PSD3: variants seen among roughly 807,000 people sequenced by gnomAD.
PSD3 encodes PH and SEC7 domain-containing protein 3.
In PSD3, 49 loss-of-function variants were observed where a neutral mutation model predicts 105.5. The observed-to-expected ratio is 0.46, with a 90% confidence interval of 0.37 to 0.59. PSD3 has a LOEUF of 0.59. Among genes scored for constraint, PSD3 ranks in the 20% least tolerant of loss-of-function variants. PSD3 has a pLI of 0.00. For synonymous variants in PSD3, 557 were observed against 457.8 expected, an observed-to-expected ratio of 1.22 and a Z score of -2.77; for missense variants, 1,561 against 1,263.8, an observed-to-expected ratio of 1.24 and a Z score of -3.57.
chr8:18,710,520 A>T (rs985870580), intron 9 of PSD3, among the ~76,000 whole-genome samples: 1 of 152,160 alleles, frequency 6.6e-6, no homozygotes, highest in Non-Finnish European at 1.5e-5. Flanking sequence ...CCATGAGAAG[A>T]ACAACTCTAA....
chr8:18,612,987 A>G (rs1270691484), intron 11 of PSD3, among the ~76,000 whole-genome samples: 1 of 149,584 alleles, frequency 6.7e-6, no homozygotes, highest in Non-Finnish European at 1.5e-5. Flanking sequence ...GGAAGAATTT[A>G]CATGGCTTGG....
chr8:18,817,560 A>G (rs1168763575), intron 4 of PSD3, among the ~76,000 whole-genome samples: 1 of 152,258 alleles, frequency 6.6e-6, no homozygotes, highest in Non-Finnish European at 1.5e-5. Flanking sequence ...AATTGCAAGA[A>G]GCTTAAAGGA....
chr8:19,077,083 T>C (rs534854976), intron 1 of PSD3, among the ~76,000 whole-genome samples: 24 of 152,348 alleles, frequency 1.6e-4, no homozygotes, highest in Admixed American at 6.5e-4. Context: ...AAATGCTTTA[T>C]GGGGAAGATT....
chr8:18,591,699 G>GC (rs1803621716), intron 12 of PSD3, among the ~76,000 whole-genome samples: 2 of 152,130 alleles, frequency 1.3e-5, no homozygotes, highest in Non-Finnish European at 2.9e-5. Context: ...AGCAGAGTAT[G>GC]CATCCAGCAT....
intron 1 of PSD3, among the ~76,000 whole-genome samples, chr8:19,062,980 G>T (rs1177577645): frequency 6.6e-6 from 1 of 152,176 alleles, no homozygotes; most frequent in African/African-American, 2.4e-5. Flanking sequence ...ATAGGTATTT[G>T]TTAATTAAAA....
intron 9 of PSD3, among the ~76,000 whole-genome samples, chr8:18,701,984 C>T (rs1801610040): frequency 6.6e-6 from 1 of 152,078 alleles, no homozygotes; most frequent in African/African-American, 2.4e-5. Flanking sequence ...CATGAAAGAG[C>T]TGAAAACAAA....
chr8:18,594,494 C>G (rs1408848429), intron 12 of PSD3, among the ~76,000 whole-genome samples: 2 of 136,756 alleles, frequency 1.5e-5, no homozygotes, highest in African/African-American at 5.6e-5. Flanking sequence ...ATAATATTTT[C>G]TTAGGTAAAC....
intron 12 of PSD3, among the ~76,000 whole-genome samples, chr8:18,582,816 CTTTTTTTTTTTTTTT>C (rs71217386): frequency 9.6e-5 from 12 of 125,438 alleles, no homozygotes; most frequent in East Asian, 9.3e-4. Flanking sequence ...CCACACTGAT[CTTTTTTTTTTTTTTT>C]TTTTTTTTTT....
intron 2 of PSD3, among the ~76,000 whole-genome samples, chr8:18,918,040 T>C (rs752781500): frequency 1.9e-4 from 29 of 152,210 alleles, no homozygotes; most frequent in Non-Finnish European, 3.7e-4. Flanking sequence ...TCCAGACTGA[T>C]TTCCTAAACC....
rs147090989 is a variant in PSD3, at chr8:18,554,021, C to T, written c.2928+2188G>A. On this transcript the variant is annotated intron_variant, in intron 15 of 15. Transcript: ENST00000327040. ...TGCAAAACTTGGTCTAACTTCATGT[C>T]AGGGATTGAAAATGCTGGCTCTTGG... is the stretch of plus-strand genomic sequence containing the variant. Among the ~76,000 whole-genome samples, 12 of 152,186 alleles carry T rather than the reference C, an allele frequency of 7.9e-5. No individual in the cohort carries two copies. The East Asian group carries it at 2.3e-3, about 29-fold the overall frequency.
rs117027693 is a variant in PSD3, at chr8:18,913,849, A to C, written c.130+22185T>G. ...TTTAAGCACACCCCAATGCCAGGCC[A>C]GCCACTGCGAACTCAGGCTCCTACC... On this transcript the variant is annotated intron_variant, in intron 2 of 15. Coordinates refer to ENST00000327040, the MANE Select transcript of PSD3 (RefSeq NM_015310.4). Among the ~76,000 whole-genome samples, 132 of 152,178 alleles carry C rather than the reference A, an allele frequency of 8.7e-4. 2 individuals carry two copies. The East Asian group carries it at 0.024, about 27-fold the overall frequency.
chr8:18,799,086 C>G, intron 8 of PSD3: 1 of 519,116 alleles, frequency 1.9e-6, no homozygotes, highest in Admixed American at 3.2e-5. Flanking sequence ...CAACTCCAGA[C>G]ACCAGGACGA....
intron 1 of PSD3, among the ~76,000 whole-genome samples, chr8:18,986,552 G>A (rs2129473146): frequency 7.0e-6 from 1 of 143,816 alleles, no homozygotes; most frequent in Middle Eastern, 3.8e-3. Context: ...AGATAAAATG[G>A]TCTCAGCAAA....
chr8:19,046,318 G>A (rs570855244), intron 1 of PSD3, among the ~76,000 whole-genome samples: 27 of 152,190 alleles, frequency 1.8e-4, no homozygotes, highest in African/African-American at 6.5e-4. Flanking sequence ...CACCATATTG[G>A]CCAGGATAGT....
intron 10 of PSD3, among the ~76,000 whole-genome samples, chr8:18,649,671 G>C (rs1360722254): frequency 6.6e-6 from 1 of 152,172 alleles, no homozygotes; most frequent in Non-Finnish European, 1.5e-5. Flanking sequence ...ATATGGTTTG[G>C]ATCTGTGCTC....
chr8:18,913,669 C>T (rs952965404), intron 2 of PSD3, among the ~76,000 whole-genome samples: 11 of 152,110 alleles, frequency 7.2e-5, no homozygotes. Context: ...CCAGTGCCAG[C>T]GGACTAAGGA....
At chr8:18,908,248 A>C (rs1819972377) in intron 2 of PSD3, among the ~76,000 whole-genome samples, 1 of 152,208 alleles carries the variant, frequency 6.6e-6, no homozygotes, top group African/African-American at 2.4e-5. Context: ...GAGGGCAGTC[A>C]CCCAAATTAA....
intron 13 of PSD3, among the ~76,000 whole-genome samples, chr8:18,574,164 A>G (rs148946305): frequency 1.3e-5 from 2 of 152,288 alleles, no homozygotes; most frequent in African/African-American, 2.4e-5. Context: ...AAAGTAAAAA[A>G]AAAGTCAGCC....
At chr8:19,065,005 C>T (rs1829029801) in intron 1 of PSD3, among the ~76,000 whole-genome samples, 1 of 152,136 alleles carries the variant, frequency 6.6e-6, no homozygotes, top group Non-Finnish European at 1.5e-5. Context: ...TTAAACTAAA[C>T]TTTAAAATGG....
Sources: allele counts gnomAD v4.1 joint callset (sites outside exome capture counted in the v4.1 genomes callset), GRCh38; gene constraint gnomAD v4.1.1; transcripts MANE v1.5; gene names NCBI Gene and HGNC (gene_info 2026-07-23, HGNC 2026-07-21).